The following CDKN2B-AS1 variants were observed in gnomAD, a reference collection of about 807,000 sequenced individuals.
CDKN2B-AS1 encodes CDKN2B antisense RNA 1 (non-protein coding).
At chr9:22,009,005 A>C in intron 1 of CDKN2B-AS1, 1 of 1,611,188 alleles carries the variant, frequency 6.2e-7, no homozygotes, top group East Asian at 2.2e-5. Context: ...TTGGCCGTAA[A>C]CTTAACGACA....
Position 21,999,930 on chromosome 9 carries a change from A to G in CDKN2B-AS1, n.29+4769A>G, listed in dbSNP as rs910071012. Among the ~76,000 whole-genome samples, 1 of 152,210 alleles carries G rather than the reference A, an allele frequency of 6.6e-6. No homozygotes were observed. The highest frequency in any genetic ancestry group is 3.2e-3 in the Middle Eastern group (1 of 316). ...TGCTGGGGGAGAGATGTTTGCAATT[A>G]TATGTACTTATATTTCTGGAAGGAT... On this transcript the variant is annotated intron_variant and non_coding_transcript_variant, in intron 1 of 4. Coordinates refer to ENST00000650946, the Ensembl canonical transcript of CDKN2B-AS1. The surrounding 1 kb of genome is among the most constrained non-coding windows in gnomAD (Gnocchi z 4.7).
At chr9:22,074,767 G>C (rs1193438737) in intron 4 of CDKN2B-AS1, among the ~76,000 whole-genome samples, 1 of 152,164 alleles carries the variant, frequency 6.6e-6, no homozygotes, top group African/African-American at 2.4e-5. Context: ...GCATATCTGT[G>C]GACTATGGTT....
chr9:22,096,449 G>C (rs1223131474), intron 4 of CDKN2B-AS1: 3 of 152,074 alleles, frequency 2.0e-5, no homozygotes, highest in Non-Finnish European at 2.9e-5. Flanking sequence ...GAGACACACA[G>C]ATGCCTAACG....
chr9:22,043,254 T>C (rs1245065251), intron 1 of CDKN2B-AS1, among the ~76,000 whole-genome samples: 1 of 152,118 alleles, frequency 6.6e-6, no homozygotes, highest in Non-Finnish European at 1.5e-5. Context: ...AGAGTTTTTT[T>C]CTCCATGGAT....
chr9:22,033,251 C>A (rs941978851), intron 1 of CDKN2B-AS1, among the ~76,000 whole-genome samples: 5 of 152,182 alleles, frequency 3.3e-5, no homozygotes, highest in African/African-American at 1.2e-4. Context: ...CACTACACTA[C>A]CTAAAAGATT....
At chr9:22,022,920 A>G (rs1822072710) in intron 1 of CDKN2B-AS1, among the ~76,000 whole-genome samples, 1 of 152,108 alleles carries the variant, frequency 6.6e-6, no homozygotes, top group Admixed American at 6.5e-5. Context: ...TCTGGGTTGG[A>G]GTTTCTTTTC....
intron 1 of CDKN2B-AS1, among the ~76,000 whole-genome samples, chr9:22,007,038 A>G (rs1166798007): frequency 1.3e-5 from 2 of 152,222 alleles, no homozygotes; most frequent in African/African-American, 4.8e-5. Flanking sequence ...AGATTTAAAA[A>G]TGTTAAACAG....
chr9:21,999,254 T>C lies in CDKN2B-AS1; in HGVS notation n.29+4093T>C, dbSNP rs1378630686. 2.0e-5 allele frequency among the ~76,000 whole-genome samples: 3 copies of C among 151,804 alleles called. No homozygotes were observed. The highest frequency in any genetic ancestry group is 4.4e-5 in the Non-Finnish European group (3 of 67,920). On this transcript the variant is annotated intron_variant and non_coding_transcript_variant, in intron 1 of 4. Transcript: ENST00000650946. This position sits in a 1 kb window ranked among gnomAD's most constrained non-coding sequence, Gnocchi z 4.7. ...GACTCAGCTATTCCACTATTTTAAG[T>C]ATGTAAAGACACACACAAATAATGT...
Position 21,995,614 on chromosome 9 carries a change from G to A in CDKN2B-AS1, n.29+453G>A, listed in dbSNP as rs1820629745. ...TTCCTCCTTTCCAGCTGGGAGACAG[G>A]AAAAGCGGTCCTGTTTGGGAACAGT... On this transcript the variant is annotated intron_variant and non_coding_transcript_variant, in intron 1 of 4. Transcript: ENST00000650946. This position sits in a 1 kb window ranked among gnomAD's most constrained non-coding sequence, Gnocchi z 5.7. The A allele has an allele frequency of 6.6e-6, 1 of 152,666 alleles. No homozygotes were observed. The highest frequency in any genetic ancestry group is 2.1e-4 in the South Asian group (1 of 4,836). 9.5% of individuals were successfully genotyped at this position (152,666 alleles called of 1,614,324 possible).
chr9:22,109,221 G>A (rs571963634), intron 4 of CDKN2B-AS1, among the ~76,000 whole-genome samples: 1 of 152,286 alleles, frequency 6.6e-6, no homozygotes, highest in East Asian at 1.9e-4. Context: ...CAAGAGTTCA[G>A]CCATAATACC....
chr9:22,118,433 T>G (rs1472012233), intron 4 of CDKN2B-AS1: 2 of 152,124 alleles, frequency 1.3e-5, no homozygotes, highest in Admixed American at 1.3e-4. Context: ...CTGAAAAATC[T>G]CAAAGATGTC....
chr9:22,122,709 T>C (rs1232080063), intron 4 of CDKN2B-AS1, among the ~76,000 whole-genome samples: 2 of 152,172 alleles, frequency 1.3e-5, no homozygotes, highest in East Asian at 1.9e-4. Flanking sequence ...TGGTTGTAGA[T>C]ATGTGGATTA....
intron 1 of CDKN2B-AS1, among the ~76,000 whole-genome samples, chr9:22,024,255 G>A (rs1489867322): frequency 6.6e-6 from 1 of 152,204 alleles, no homozygotes; most frequent in African/African-American, 2.4e-5. Context: ...AACTCTGGAT[G>A]ACTTGTATTG....
intron 4 of CDKN2B-AS1, among the ~76,000 whole-genome samples, chr9:22,091,623 C>G (rs1825087402): frequency 6.6e-6 from 1 of 151,320 alleles, no homozygotes; most frequent in Non-Finnish European, 1.5e-5. Context: ...ATTTGGCTCT[C>G]TGTCTGTTAT....
rs117307963 is a variant in CDKN2B-AS1, at chr9:21,996,931, G to A, written n.29+1770G>A. ...AGGCACGTATTAAACATCTTTTGAAGTCGCTATCTATATCAGTCAGTTCTC... is the reference window on the plus strand; with the variant it reads ...AGGCACGTATTAAACATCTTTTGAAATCGCTATCTATATCAGTCAGTTCTC... On this transcript the variant is annotated intron_variant and non_coding_transcript_variant, in intron 1 of 4. Coordinates refer to ENST00000650946, the Ensembl canonical transcript of CDKN2B-AS1. This position sits in a 1 kb window ranked among gnomAD's most constrained non-coding sequence, Gnocchi z 5.4. Among the ~76,000 whole-genome samples the A allele has an allele frequency of 6.1e-3, 933 of 152,296 alleles. 9 individuals are homozygous for A. Among genetic ancestry groups the A allele is most frequent in the Non-Finnish European group, 1.0e-2 (677 of 68,028 alleles).
chr9:22,078,240 C>T (rs1239653488), intron 4 of CDKN2B-AS1, among the ~76,000 whole-genome samples: 1 of 151,902 alleles, frequency 6.6e-6, no homozygotes, highest in Non-Finnish European at 1.5e-5. Flanking sequence ...AATGCAGTTG[C>T]TAGTTTTGTA....
chr9:22,062,998 TAGAGAGAG>T lies in CDKN2B-AS1; in HGVS notation n.438+6629_438+6636del, dbSNP rs769270060. Reference sequence around the variant, plus strand: ...ACAGACACACACACATATATATATATAGAGAGAGAGAGAGAGAGAGAGAGACTTATAAA... The same window carrying T: ...ACAGACACACACACATATATATATATAGAGAGAGAGAGAGAGACTTATAAA... On this transcript the variant is annotated intron_variant and non_coding_transcript_variant, in intron 4 of 4. Transcript: ENST00000650946. Among the ~76,000 whole-genome samples the T allele has an allele frequency of 7.6e-4, 113 of 148,470 alleles. No individual in the cohort carries two copies. In the East Asian group the frequency reaches 8.0e-3, roughly 11 times the overall value.
chr9:22,083,695 G>T (rs554150238), intron 4 of CDKN2B-AS1, among the ~76,000 whole-genome samples: 1 of 152,308 alleles, frequency 6.6e-6, no homozygotes, highest in African/African-American at 2.4e-5. Flanking sequence ...AGAAAGAAAA[G>T]ATTTTAGGGT....
At chr9:22,089,462 C>G (rs1473268734) in intron 4 of CDKN2B-AS1, among the ~76,000 whole-genome samples, 1 of 152,024 alleles carries the variant, frequency 6.6e-6, no homozygotes, top group African/African-American at 2.4e-5. Flanking sequence ...AAGGGTCTCA[C>G]TCTGTCACCC....
Sources: allele counts gnomAD v4.1 joint callset (sites outside exome capture counted in the v4.1 genomes callset), GRCh38; gene constraint gnomAD v4.1.1; non-coding constraint Gnocchi (gnomAD v3.1); transcripts MANE v1.5; gene names NCBI Gene and HGNC (gene_info 2026-07-23, HGNC 2026-07-21).